ZNF343: variants seen among roughly 807,000 people sequenced by gnomAD.
The protein encoded by ZNF343 is zinc finger protein 343.
Under a neutral mutation model 13.8 loss-of-function variants are expected in ZNF343, and 11 were observed. The ratio of observed to expected loss-of-function variants is 0.80; its 90% CI spans 0.50 to 1.32. The LOEUF (loss-of-function observed/expected upper bound fraction) is 1.32, where lower values mean the gene tolerates loss of function less well. ZNF343 is among the 40% of genes most tolerant of loss of function. The probability of loss-of-function intolerance (pLI) is 0.00; values close to 1 mark genes in which losing one functional copy is unlikely to be tolerated. For missense variants in ZNF343, 658 were observed against 714.2 expected (o/e 0.92, Z 0.90); for synonymous variants, 248 against 260.0 (o/e 0.95, Z 0.44).
intron 5 of ZNF343, among the ~76,000 whole-genome samples, chr20:2,488,963 T>G (rs1353895866): frequency 6.6e-6 from 1 of 152,208 alleles, no homozygotes; most frequent in Non-Finnish European, 1.5e-5. Flanking sequence ...GAGAATCACC[T>G]GAGCCCAGGA....
intron 2 of ZNF343, among the ~76,000 whole-genome samples, chr20:2,498,537 C>T (rs951918295): frequency 2.0e-5 from 3 of 152,164 alleles, no homozygotes; most frequent in Non-Finnish European, 4.4e-5. Flanking sequence ...CACACAGCTA[C>T]AAGGGCACTA....
intron 2 of ZNF343, among the ~76,000 whole-genome samples, chr20:2,497,057 G>A (rs2085471751): frequency 6.6e-6 from 1 of 150,506 alleles, no homozygotes; most frequent in Non-Finnish European, 1.5e-5. Context: ...TCCAGCCTGG[G>A]CAACAAAAGC....
intron 1 of ZNF343, among the ~76,000 whole-genome samples, chr20:2,514,681 T>C (rs2085751473): frequency 6.6e-6 from 1 of 152,138 alleles, no homozygotes; most frequent in African/African-American, 2.4e-5. Flanking sequence ...GTGTGTTTAA[T>C]GAATTAGAAG....
intron 1 of ZNF343, among the ~76,000 whole-genome samples, chr20:2,523,120 C>T (rs1417709477): frequency 6.6e-6 from 1 of 152,224 alleles, no homozygotes; most frequent in African/African-American, 2.4e-5. Flanking sequence ...GTTGTCCTCA[C>T]TGCTCATGAT....
chr20:2,501,075 G>C (rs1247273931), intron 1 of ZNF343, among the ~76,000 whole-genome samples: 1 of 152,154 alleles, frequency 6.6e-6, no homozygotes, highest in African/African-American at 2.4e-5. Context: ...AAAGGGGTGA[G>C]AGAGGGCACC....
intron 2 of ZNF343, among the ~76,000 whole-genome samples, chr20:2,497,453 C>T (rs2085478830): frequency 1.3e-5 from 2 of 152,178 alleles, no homozygotes; most frequent in Non-Finnish European, 2.9e-5. Flanking sequence ...ACATACAGTA[C>T]TGGAGCCAAG....
exon 1 of ZNF343, chr20:2,524,478 G>A (rs6114758): frequency 0.27 from 40,896 of 152,518 alleles, 5,619 homozygotes; most frequent in African/African-American, 0.31. Context: ...TTCGCGTTCT[G>A]GTTCCAGGCT....
At chr20:2,492,226 T>C (rs192940118) in intron 5 of ZNF343, 1 of 159,304 alleles carries the variant, frequency 6.3e-6, no homozygotes, top group African/African-American at 2.4e-5. Context: ...CCAGCCTTGC[T>C]TGCCTCCTTG....
rs150707171 is a variant in ZNF343 at position 2,483,160 on chromosome 20, G to T, written c.*1C>A. 3 of 1,600,520 alleles carry T rather than the reference G, an allele frequency of 1.9e-6. No individual in the cohort carries two copies. In the African/African-American group the frequency reaches 4.0e-5, roughly 21 times the overall value. ...ACCCCTGCATACACAGGTTTCTCCCGTCAGTGTGTCCTCTGGTGTCTGATG... is the reference window on the plus strand; with the variant it reads ...ACCCCTGCATACACAGGTTTCTCCCTTCAGTGTGTCCTCTGGTGTCTGATG... On this transcript the variant is annotated 3_prime_UTR_variant, in exon 6 of 6. Transcript: ENST00000278772.
At chr20:2,513,918 C>T (rs1034912346) in intron 1 of ZNF343, among the ~76,000 whole-genome samples, 11 of 152,202 alleles carry the variant, frequency 7.2e-5, no homozygotes, top group African/African-American at 2.2e-4. Flanking sequence ...TTTATATGTC[C>T]GGAATAGGCA....
rs563585896 is a variant in ZNF343 at position 2,499,123 on chromosome 20, C to A, written c.-150+1533G>T. 1.0e-4 allele frequency among the ~76,000 whole-genome samples: 15 copies of A among 148,608 alleles called. No individual in the cohort carries two copies. In the East Asian group the frequency reaches 3.3e-3, roughly 32 times the overall value. On this transcript the variant is annotated intron_variant, in intron 2 of 5. Transcript: ENST00000278772. ...TACAGGCGTGAGCCACCGCATGTGG[C>A]CTCACACTCTAATTATTGAGTTTGG...
intron 1 of ZNF343, among the ~76,000 whole-genome samples, chr20:2,523,350 GCAGCCCAT>G (rs1198882098): frequency 6.6e-6 from 1 of 151,634 alleles, no homozygotes; most frequent in Non-Finnish European, 1.5e-5. Context: ...AGTCAGTCCG[GCAGCCCAT>G]GCCACTGCTA....
chr20:2,521,374 G>T (rs1243274836), intron 1 of ZNF343, among the ~76,000 whole-genome samples: 1 of 152,182 alleles, frequency 6.6e-6, no homozygotes, highest in Non-Finnish European at 1.5e-5. Context: ...AGTCAGATGG[G>T]GACTCAGCAT....
At chr20:2,489,321 C>G (rs1422240622) in intron 5 of ZNF343, among the ~76,000 whole-genome samples, 1 of 152,178 alleles carries the variant, frequency 6.6e-6, no homozygotes, top group East Asian at 1.9e-4. Flanking sequence ...GACCTATCAG[C>G]CCTACGAACA....
chr20:2,483,302 C>T lies in ZNF343; in HGVS notation c.1659G>A (p.Glu553=). 1.9e-6 allele frequency: 3 copies of T among 1,611,000 alleles called. No homozygotes were observed. ...HSGEKPYVCS[E]CGRGFSRKSL... The stretch of plus-strand genomic sequence containing the variant: ...ATTTCCGGCTAAAGCCTCGGCCACA[C>T]TCACTGCACACGTAAGGCTTCTCTC... The change falls in exon 6 of 6, where the codon GAG becomes GAA. Residue 553 remains glutamate (E), a synonymous_variant. Transcript: ENST00000278772.
intron 5 of ZNF343, among the ~76,000 whole-genome samples, chr20:2,488,496 GTT>G (rs1252254325): frequency 6.6e-6 from 1 of 151,804 alleles, no homozygotes; most frequent in African/African-American, 2.4e-5. Context: ...GCACCACAAT[GTT>G]TTCTTTCTTT....
rs1021369593 is a variant in ZNF343, at chr20:2,482,940, C to T, written c.*221G>A. On this transcript the variant is annotated 3_prime_UTR_variant, in exon 6 of 6. Transcript: ENST00000278772. Reference sequence around the variant, plus strand: ...CTAAGTGTGTCCTTTTGTGCATGCTCAAGGCTGACTGATGGCTACAGTTGC... The same window carrying T: ...CTAAGTGTGTCCTTTTGTGCATGCTTAAGGCTGACTGATGGCTACAGTTGC... 1.9e-5 allele frequency: 11 copies of T among 575,202 alleles called. No homozygotes were observed. Among genetic ancestry groups the T allele is most frequent in the Non-Finnish European group, 3.3e-5 (11 of 330,532 alleles). 35.6% of individuals were successfully genotyped at this position (575,202 alleles called of 1,614,324 possible).
intron 1 of ZNF343, among the ~76,000 whole-genome samples, chr20:2,517,391 G>A (rs1342682274): frequency 9.1e-6 from 1 of 109,798 alleles, no homozygotes; most frequent in Non-Finnish European, 1.8e-5. Context: ...CACATATATA[G>A]CTGATGTATA....
chr20:2,483,071 C>G lies in ZNF343; in HGVS notation c.*90G>C. ...CACTCACAATCTGTGTACACAGGGT[C>G]TACTCCCCATGTGTCTCTCTGGGGT... On this transcript the variant is annotated 3_prime_UTR_variant, in exon 6 of 6. Transcript: ENST00000278772. The G allele has an allele frequency of 3.5e-6, 5 of 1,416,798 alleles. No homozygotes were observed. The highest frequency in any genetic ancestry group is 4.8e-6 in the Non-Finnish European group (5 of 1,044,034). The allele number at this position is 1,416,798 out of a possible 1,614,324, so 87.8% of individuals were successfully genotyped here.
Sources: gnomAD v4.1 joint callset for allele counts (sites outside exome capture counted in the v4.1 genomes callset) on GRCh38, gnomAD v4.1.1 for gene constraint, MANE v1.5 for transcripts, NCBI Gene and HGNC (gene_info 2026-07-23, HGNC 2026-07-21) for gene names.